Variants in PRR27 observed in about 807,000 individuals in gnomAD.
The protein encoded by PRR27 is proline rich 27, also known as proline-rich protein 27.
A neutral mutation model predicts 16.8 loss-of-function variants in PRR27; 12 were observed. The observed-to-expected ratio is 0.71, with a 90% CI of 0.46 to 1.16. The LOEUF (loss-of-function observed/expected upper bound fraction) is 1.16. PRR27 is among the 50% of genes most tolerant of loss of function. The pLI, the probability that PRR27 is intolerant of heterozygous loss-of-function variation, is 0.00. For missense variants in PRR27, 277 were observed against 273.3 expected, an observed-to-expected ratio of 1.01 and a Z score of -0.10; for synonymous variants, 100 against 98.4, an observed-to-expected ratio of 1.02 and a Z score of -0.10.
At chr4:70,157,640 TCC>T (rs547390784) in intron 2 of PRR27, among the ~76,000 whole-genome samples, 34 of 152,152 alleles carry the variant, frequency 2.2e-4, no homozygotes, top group African/African-American at 8.2e-4. Flanking sequence ...TGCTTCTGCC[TCC>T]CAAGTAGCTG....
chr4:70,160,443 C>CTCTCTCTCTCTCTCTCTGTGTGTGTGTG (rs1298386504), intron 3 of PRR27, among the ~76,000 whole-genome samples: 24 of 68,682 alleles, frequency 3.5e-4, no homozygotes, highest in East Asian at 2.2e-3. Flanking sequence ...CTCTCTCTCT[C>CTCTCTCTCTCTCTCTCTGTGTGTGTGTG]TGTGTGTGTG....
intron 3 of PRR27, among the ~76,000 whole-genome samples, chr4:70,160,443 C>CTCTCTCTCTGTGTGTG (rs1298386504): frequency 3.3e-3 from 227 of 68,676 alleles, no homozygotes; most frequent in South Asian, 0.015. Flanking sequence ...CTCTCTCTCT[C>CTCTCTCTCTGTGTGTG]TGTGTGTGTG....
In PRR27 at chr4:70,164,637, A is replaced by G. The variant is rs1412799271; in HGVS notation, c.*1976A>G. Reference sequence around the variant, plus strand: ...AATGATAAATTTGTAATCATACATGATAGTCAATTTTAATGATTATGTTGT... The same window carrying G: ...AATGATAAATTTGTAATCATACATGGTAGTCAATTTTAATGATTATGTTGT... On this transcript the variant is annotated 3_prime_UTR_variant, in exon 5 of 5. Coordinates refer to ENST00000344526, the MANE Select transcript of PRR27 (RefSeq NM_214711.4). 2 of 152,114 alleles carry G rather than the reference A, an allele frequency of 1.3e-5. No homozygotes were observed. The highest frequency in any genetic ancestry group is 4.8e-5 in the African/African-American group (2 of 41,422). The allele number at this position is 152,114 out of a possible 1,614,324, so 9.4% of individuals were successfully genotyped here. A position where few individuals can be genotyped will look rare whatever the true frequency, so the allele number is the denominator to read the frequency against.
Position 70,161,624 on chromosome 4 carries a change from C to T in PRR27, c.*27C>T. 2 of 1,450,394 alleles carry T rather than the reference C, an allele frequency of 1.4e-6. No homozygotes were observed. The highest frequency in any genetic ancestry group is 1.9e-6 in the Non-Finnish European group (2 of 1,051,096). The allele number at this position is 1,450,394 out of a possible 1,614,324, so 89.8% of individuals were successfully genotyped here. ...ATTCTCTAGAAGAGTACCATGGGTTCATTTCTGTAAGTCATATGTGATAAT... is the reference window on the plus strand; with the variant it reads ...ATTCTCTAGAAGAGTACCATGGGTTTATTTCTGTAAGTCATATGTGATAAT... On this transcript the variant is annotated 3_prime_UTR_variant, in exon 4 of 5. Transcript: ENST00000344526.
In PRR27 at chr4:70,164,564, T is replaced by C. The variant is rs1287294472; in HGVS notation, c.*1903T>C. 1 of 152,154 alleles carries C rather than the reference T, an allele frequency of 6.6e-6. No individual in the cohort carries two copies. Among genetic ancestry groups the C allele is most frequent in the Non-Finnish European group, 1.5e-5 (1 of 67,998 alleles). 9.4% of individuals were successfully genotyped at this position (152,154 alleles called of 1,614,324 possible). ...CTTAGCCAATAATCTGAAACTATTA[T>C]AGTATCTGTCTTTCACAGATACATG... On this transcript the variant is annotated 3_prime_UTR_variant, in exon 5 of 5. Coordinates refer to ENST00000344526, the MANE Select transcript of PRR27 (RefSeq NM_214711.4).
rs1728757996 is a variant in PRR27, at chr4:70,165,951, A to G, written c.*3290A>G. 6.6e-6 allele frequency: 1 copy of G among 152,106 alleles called. No individual in the cohort carries two copies. Among genetic ancestry groups the G allele is most frequent in the South Asian group, 2.1e-4 (1 of 4,826 alleles). 9.4% of individuals were successfully genotyped at this position (152,106 alleles called of 1,614,324 possible). On this transcript the variant is annotated 3_prime_UTR_variant, in exon 5 of 5. Transcript: ENST00000344526. ...TTGTGGCCAGAAAGTCAGGACCTCAAAGAGGTATAAGTTTGTGTGTATAAT... is the reference window on the plus strand; with the variant it reads ...TTGTGGCCAGAAAGTCAGGACCTCAGAGAGGTATAAGTTTGTGTGTATAAT...
rs927371628 is a variant in PRR27, at chr4:70,164,125, T to C, written c.*1464T>C. On this transcript the variant is annotated 3_prime_UTR_variant, in exon 5 of 5. Coordinates refer to ENST00000344526, the MANE Select transcript of PRR27 (RefSeq NM_214711.4). ...TTACTATTACTGCTTTTTACCTTTT[T>C]ATTTATTTGTGTATTGTCTTTGTTG... is the stretch of plus-strand genomic sequence containing the variant. 3 of 152,162 alleles carry C rather than the reference T, an allele frequency of 2.0e-5. No individual in the cohort carries two copies. The highest frequency in any genetic ancestry group is 7.2e-5 in the African/African-American group (3 of 41,440). The allele number at this position is 152,162 out of a possible 1,614,324, so 9.4% of individuals were successfully genotyped here.
Position 70,158,285 on chromosome 4 carries a change from A to T in PRR27, c.76-43A>T, listed in dbSNP as rs532134790. ...GTTGTACCATAAGTAATATATAGAC[A>T]GGACAAATACAATCAACTTCGACTT... On this transcript the variant is annotated intron_variant, in intron 2 of 4. Transcript: ENST00000344526. 1.4e-4 allele frequency: 127 copies of T among 908,834 alleles called. 1 individual carries two copies. The South Asian group carries it at 1.8e-3, about 13-fold the overall frequency. 56.3% of individuals were successfully genotyped at this position (908,834 alleles called of 1,614,324 possible). A position where few individuals can be genotyped will look rare whatever the true frequency, so the allele number is the denominator to read the frequency against.
chr4:70,156,357 C>T (rs1246243897), intron 2 of PRR27, among the ~76,000 whole-genome samples: 2 of 152,124 alleles, frequency 1.3e-5, no homozygotes, highest in African/African-American at 2.4e-5. Flanking sequence ...CAAGGTTTTC[C>T]CCTCATGCCT....
chr4:70,161,687 T>C, intron 4 of PRR27, 57 bp downstream of exon 4: 1 of 784,026 alleles, frequency 1.3e-6, no homozygotes, highest in Non-Finnish European at 2.0e-6. Flanking sequence ...TTAAATCTCA[T>C]AATCTGAAGC....
rs1181637561 is a variant in PRR27, at chr4:70,165,510, A to G, written c.*2849A>G. ...ACTACTTAGTGGATTAGGGTAATTC[A>G]TTCTACTTTTAAAAATGATTTTTCC... On this transcript the variant is annotated 3_prime_UTR_variant, in exon 5 of 5. Transcript: ENST00000344526. 1 of 152,034 alleles carries G rather than the reference A, an allele frequency of 6.6e-6. No homozygotes were observed. Among genetic ancestry groups the G allele is most frequent in the Non-Finnish European group, 1.5e-5 (1 of 67,932 alleles). 9.4% of individuals were successfully genotyped at this position (152,034 alleles called of 1,614,324 possible).
rs190895371 is a variant in PRR27, at chr4:70,161,266, G to A, written c.649-320G>A. On this transcript the variant is annotated intron_variant, in intron 3 of 4. Coordinates refer to ENST00000344526, the MANE Select transcript of PRR27 (RefSeq NM_214711.4). ...GCTCATGGTTCACATGACAGTAGAA[G>A]GAAATGATAGAAAGTGAAGATAAAA... Among the ~76,000 whole-genome samples the A allele has an allele frequency of 5.2e-3, 753 of 143,500 alleles. 4 individuals are homozygous for A. The highest frequency in any genetic ancestry group is 8.0e-3 in the Non-Finnish European group (530 of 66,620). 94.1% of individuals were successfully genotyped at this position (143,500 alleles called of 152,430 possible).
rs1365242099 is a variant in PRR27 at position 70,158,842 on chromosome 4, A to G, written c.590A>G (p.Glu197Gly). The change falls in exon 3 of 5, where the codon GAG (glutamate) becomes GGG (glycine). Residue 197 changes from glutamate (E) to glycine (G), a missense_variant. By Grantham distance (98) the Glu-to-Gly change is moderately conservative (BLOSUM62 -2). Coordinates refer to ENST00000344526, the MANE Select transcript of PRR27 (RefSeq NM_214711.4). ...GCTGCAGAGGAACCTTCACCAGCTG[A>G]GCCTGCTACAGCCAAGCCTGCTGCC... is the stretch of plus-strand genomic sequence containing the variant. ...EPAAEEPSPA[E>G]PATAKPAAPE... is the part of the protein sequence containing the mutation. 6 of 1,614,014 alleles carry G rather than the reference A, an allele frequency of 3.7e-6. No homozygotes were observed. The highest frequency in any genetic ancestry group is 5.1e-6 in the Non-Finnish European group (6 of 1,180,000).
chr4:70,156,441 C>T (rs1210472803), intron 2 of PRR27, among the ~76,000 whole-genome samples: 1 of 152,084 alleles, frequency 6.6e-6, no homozygotes, highest in Non-Finnish European at 1.5e-5. Context: ...GCTCTGTCTG[C>T]ATGAAGGGTT....
chr4:70,159,012 GC>G, intron 3 of PRR27, 112 bp downstream of exon 3: 1 of 939,378 alleles, frequency 1.1e-6, no homozygotes, highest in Non-Finnish European at 1.6e-6. Context: ...ATTTTGAACA[GC>G]TTTATTCAGA....
intron 3 of PRR27, among the ~76,000 whole-genome samples, chr4:70,160,435 C>CTGTGTGTGTGTG (rs1182486828): frequency 1.5e-3 from 47 of 32,082 alleles, no homozygotes; most frequent in East Asian, 6.9e-3. Context: ...CTCTCTCTCT[C>CTGTGTGTGTGTG]TCTCTCTCTG....
Position 70,165,028 on chromosome 4 carries a change from A to G in PRR27, c.*2367A>G, listed in dbSNP as rs1358464998. On this transcript the variant is annotated 3_prime_UTR_variant, in exon 5 of 5. Transcript: ENST00000344526. ...GTATGAAATTTAAGTCTATCACTAC[A>G]ATAATATTTTGTTTTTAGTGTTCAT... The G allele has an allele frequency of 6.6e-6, 1 of 152,138 alleles. No individual in the cohort carries two copies. Among genetic ancestry groups the G allele is most frequent in the Non-Finnish European group, 1.5e-5 (1 of 67,968 alleles). 9.4% of individuals were successfully genotyped at this position (152,138 alleles called of 1,614,324 possible).
Position 70,165,165 on chromosome 4 carries a change from C to T in PRR27, c.*2504C>T, listed in dbSNP as rs1728737472. 1 of 152,096 alleles carries T rather than the reference C, an allele frequency of 6.6e-6. No homozygotes were observed. Among genetic ancestry groups the T allele is most frequent in the Non-Finnish European group, 1.5e-5 (1 of 67,956 alleles). The allele number at this position is 152,096 out of a possible 1,614,324, so 9.4% of individuals were successfully genotyped here. A position where few individuals can be genotyped will look rare whatever the true frequency, so the allele number is the denominator to read the frequency against. On this transcript the variant is annotated 3_prime_UTR_variant, in exon 5 of 5. Transcript: ENST00000344526. ...AAACAAACTGTTGTTAGTAAACAGG[C>T]ATCAGCTTTGAGACACAGAAAAGTC... is the stretch of plus-strand genomic sequence containing the variant.
Position 70,158,764 on chromosome 4 carries a change from A to G in PRR27, c.512A>G (p.Glu171Gly), listed in dbSNP as rs138334849. The part of the protein sequence containing the change: ...EAPVGAEPAA[E>G]APVAAEPAAE... ...CCTGTTGGAGCTGAGCCTGCTGCAG[A>G]GGCACCTGTTGCAGCTGAGCCTGCT... Residue 171 changes from glutamate (E) to glycine (G), a missense_variant, in exon 3 of 5, where the codon GAG becomes GGG. Transcript: ENST00000344526. The G allele has an allele frequency of 9.2e-6, 14 of 1,525,288 alleles. No individual in the cohort carries two copies. The highest frequency in any genetic ancestry group is 4.6e-5 in the South Asian group (4 of 87,376). The allele number at this position is 1,525,288 out of a possible 1,614,324, so 94.5% of individuals were successfully genotyped here.
Sources: gnomAD v4.1 joint callset for allele counts (sites outside exome capture counted in the v4.1 genomes callset) on GRCh38, gnomAD v4.1.1 for gene constraint, MANE v1.5 for transcripts, NCBI Gene and HGNC (gene_info 2026-07-23, HGNC 2026-07-21) for gene names.